The following GPATCH2L variants were observed in gnomAD, a reference collection of about 807,000 sequenced individuals.
The protein encoded by GPATCH2L is G patch domain-containing protein 2-like.
GPATCH2L carries 31 observed loss-of-function variants against 57.4 expected under a neutral mutation model. The observed-to-expected ratio is 0.54, with a 90% CI of 0.41 to 0.73. The LOEUF is 0.73. Ranked by LOEUF, GPATCH2L falls within the 30% of genes least tolerant of loss-of-function variation. The pLI, the probability that GPATCH2L is intolerant of heterozygous loss-of-function variation, is 0.00. For synonymous variants in GPATCH2L, 199 were observed against 210.7 expected, an observed-to-expected ratio of 0.94 and a Z score of 0.48; for missense variants, 481 against 599.9, an observed-to-expected ratio of 0.80 and a Z score of 2.07.
At chr14:76,162,650 T>C (rs72727850) in intron 2 of GPATCH2L, among the ~76,000 whole-genome samples, 3,749 of 152,286 alleles carry the variant, frequency 0.025, 79 homozygotes, top group East Asian at 0.13. Context: ...CTCAGACTGA[T>C]ATTTCCCCTG....
At chr14:76,158,402 G>A (rs1305750401) in intron 2 of GPATCH2L, among the ~76,000 whole-genome samples, 1 of 152,146 alleles carries the variant, frequency 6.6e-6, no homozygotes, top group African/African-American at 2.4e-5. Flanking sequence ...AGAATAAGTG[G>A]GAGAAAGCTG....
At chr14:76,193,895 G>C (rs1434680718) in intron 8 of GPATCH2L, among the ~76,000 whole-genome samples, 2 of 152,168 alleles carry the variant, frequency 1.3e-5, no homozygotes, top group Non-Finnish European at 2.9e-5. Context: ...CTGAGGATAA[G>C]GATGATTGAA....
Position 76,154,065 on chromosome 14 carries a change from G to T in GPATCH2L, c.-10-289G>T. On this transcript the variant is annotated intron_variant, in intron 1 of 9. Coordinates refer to ENST00000261530, the MANE Select transcript of GPATCH2L (RefSeq NM_017926.4). The surrounding 1 kb of genome is among the most constrained non-coding windows in gnomAD (Gnocchi z 4.4). ...GATCTAGTCCCCCGAATTTGTTTTG[G>T]GTCCTGTCCCAGTTGTCTTCTGGTT... 3.9e-6 allele frequency: 1 copy of T among 255,162 alleles called. No homozygotes were observed. 15.8% of individuals were successfully genotyped at this position (255,162 alleles called of 1,614,324 possible).
chr14:76,197,863 G>C (rs377354541), intron 9 of GPATCH2L, among the ~76,000 whole-genome samples: 18 of 152,224 alleles, frequency 1.2e-4, no homozygotes, highest in East Asian at 9.7e-4. Context: ...AAATAGCTCA[G>C]ATCTCTGCCA....
chr14:76,218,379 T>C (rs2040498275), downstream of GPATCH2L, among the ~76,000 whole-genome samples: 1 of 152,112 alleles, frequency 6.6e-6, no homozygotes, highest in South Asian at 2.1e-4. Context: ...ATAGCTTTTA[T>C]AGATACAATG....
chr14:76,162,780 A>G (rs966363082), intron 2 of GPATCH2L, among the ~76,000 whole-genome samples: 1 of 152,206 alleles, frequency 6.6e-6, no homozygotes, highest in African/African-American at 2.4e-5. Flanking sequence ...CAGTATGCTG[A>G]AAATGAGTGT....
chr14:76,216,749 C>G (rs2040491646), downstream of GPATCH2L, among the ~76,000 whole-genome samples: 1 of 151,970 alleles, frequency 6.6e-6, no homozygotes, highest in African/African-American at 2.4e-5. Flanking sequence ...TTTAAGAGAG[C>G]ACTTGGTAGG....
At position 76,154,471 on chromosome 14, in the gene GPATCH2L, G is replaced by T; in HGVS notation, c.108G>T (p.Arg36Ser). The T allele has an allele frequency of 1.2e-6, 2 of 1,614,196 alleles. No homozygotes were observed. The highest frequency in any genetic ancestry group is 1.7e-6 in the Non-Finnish European group (2 of 1,180,030). Reference sequence around the variant, plus strand: ...TGGCGCTGAGCCCCCGACAGCAGAGGCGGCAGCTTCGGAAACGCCGAGGTC... The same window carrying T: ...TGGCGCTGAGCCCCCGACAGCAGAGTCGGCAGCTTCGGAAACGCCGAGGTC... The part of the protein sequence containing the change: ...EEMALSPRQQ[R>S]RQLRKRRGRK... The change falls in exon 2 of 10, where the codon AGG (arginine) becomes AGT (serine). Residue 36 changes from arginine to serine, a missense_variant. Arg to Ser is a moderately radical substitution (Grantham distance 110, BLOSUM62 -1). Coordinates refer to ENST00000261530, the MANE Select transcript of GPATCH2L (RefSeq NM_017926.4). The surrounding 1 kb of genome is among the most constrained non-coding windows in gnomAD (Gnocchi z 4.4).
chr14:76,231,019 C>T (rs1223787052), intron 2 of GPATCH2L, among the ~76,000 whole-genome samples: 1 of 152,166 alleles, frequency 6.6e-6, no homozygotes, highest in African/African-American at 2.4e-5. Context: ...AAAGCAGGAG[C>T]CATTTGTGAT....
At chr14:76,160,143 CA>C (rs550115048) in intron 2 of GPATCH2L, among the ~76,000 whole-genome samples, 3 of 148,828 alleles carry the variant, frequency 2.0e-5, no homozygotes, top group Admixed American at 6.7e-5. Context: ...GACTCTGTCT[CA>C]AAAAAAAAGA....
At chr14:76,220,355 C>G (rs2040508997) in intron 1 of GPATCH2L, among the ~76,000 whole-genome samples, 1 of 152,104 alleles carries the variant, frequency 6.6e-6, no homozygotes, top group South Asian at 2.1e-4. Flanking sequence ...GCTGATATAG[C>G]TATACAAATA....
chr14:76,182,585 C>CAAAAAAAAA (rs66602777), intron 8 of GPATCH2L, among the ~76,000 whole-genome samples: 4 of 84,818 alleles, frequency 4.7e-5, no homozygotes, highest in African/African-American at 9.2e-5. Context: ...GACCCTGTCT[C>CAAAAAAAAA]AAAAAAAAAA....
At chr14:76,186,257 A>G (rs548258975) in intron 8 of GPATCH2L, among the ~76,000 whole-genome samples, 1 of 152,268 alleles carries the variant, frequency 6.6e-6, no homozygotes, top group African/African-American at 2.4e-5. Context: ...GGGTTAAAAA[A>G]AAAGAGAGAG....
At position 76,207,096 on chromosome 14, in the gene GPATCH2L, C is replaced by G. The variant is rs1276519596; in HGVS notation, c.*5245C>G. The G allele has an allele frequency of 6.6e-6, 1 of 152,216 alleles. No homozygotes were observed. Among genetic ancestry groups the G allele is most frequent in the African/African-American group, 2.4e-5 (1 of 41,444 alleles). The allele number at this position is 152,216 out of a possible 1,614,324, so 9.4% of individuals were successfully genotyped here. A position where few individuals can be genotyped will look rare whatever the true frequency, so the allele number is the denominator to read the frequency against. On this transcript the variant is annotated 3_prime_UTR_variant, in exon 10 of 10. Coordinates refer to ENST00000261530, the MANE Select transcript of GPATCH2L (RefSeq NM_017926.4). ...TTGGGAGGCCAGGGCGGGAGGATTGCTTTATTGCAGGAGTTGAAGACCAGC... is the reference window on the plus strand; with the variant it reads ...TTGGGAGGCCAGGGCGGGAGGATTGGTTTATTGCAGGAGTTGAAGACCAGC...
intron 1 of GPATCH2L, among the ~76,000 whole-genome samples, chr14:76,225,245 G>A (rs1566828717): frequency 6.6e-6 from 1 of 152,246 alleles, no homozygotes; most frequent in East Asian, 1.9e-4. Flanking sequence ...AATACCATGT[G>A]GTATTGGTGC....
downstream of GPATCH2L, among the ~76,000 whole-genome samples, chr14:76,214,934 G>C (rs533656718): frequency 6.6e-6 from 1 of 151,892 alleles, no homozygotes; most frequent in African/African-American, 2.4e-5. Context: ...TGTTACCTGG[G>C]TATATTGCGT....
At chr14:76,218,690 G>A (rs2040500239), downstream of GPATCH2L, among the ~76,000 whole-genome samples, 1 of 151,496 alleles carries the variant, frequency 6.6e-6, no homozygotes, top group Admixed American at 6.6e-5. Context: ...AAAAGATAGA[G>A]GGAGACTACT....
intron 6 of GPATCH2L, among the ~76,000 whole-genome samples, chr14:76,176,911 G>A (rs552507919): frequency 1.3e-5 from 2 of 152,158 alleles, no homozygotes; most frequent in East Asian, 3.9e-4. Context: ...TATACCTACA[G>A]ATGCTGCATT....
At position 76,165,592 on chromosome 14, in the gene GPATCH2L, A is replaced by G. The variant is rs78673436; in HGVS notation, c.663-1071A>G. 2.0e-3 allele frequency among the ~76,000 whole-genome samples: 304 copies of G among 152,258 alleles called. 3 individuals carry two copies. In the East Asian group the frequency reaches 0.034, roughly 17 times the overall value. ...TGTGCATGTATCCCAGAACTTAAAA[A>G]AAAAAAAGAAATAGGATTTGTTTGT... On this transcript the variant is annotated intron_variant, in intron 2 of 9. Transcript: ENST00000261530.
Sources: allele counts gnomAD v4.1 joint callset (sites outside exome capture counted in the v4.1 genomes callset), GRCh38; gene constraint gnomAD v4.1.1; non-coding constraint Gnocchi (gnomAD v3.1); transcripts MANE v1.5; gene names NCBI Gene and HGNC (gene_info 2026-07-23, HGNC 2026-07-21).